The following AMN1 variants were observed in gnomAD, a reference collection of about 807,000 sequenced individuals.
The protein encoded by AMN1 is antagonist of mitotic exit network 1 homolog.
AMN1 carries 20 observed loss-of-function variants against 33.0 expected under a neutral mutation model. The ratio of observed to expected loss-of-function variants is 0.61; its 90% confidence interval spans 0.43 to 0.88. The LOEUF is 0.88. Among genes scored for constraint, AMN1 ranks in the 40% least tolerant of loss-of-function variants. The probability of loss-of-function intolerance (pLI) is 0.00; values close to 1 mark genes in which losing one functional copy is unlikely to be tolerated. For synonymous variants in AMN1, 114 were observed against 111.9 expected, an observed-to-expected ratio of 1.02 and a Z score of -0.12; for missense variants, 246 against 307.4, an observed-to-expected ratio of 0.80 and a Z score of 1.49.
In AMN1 at chr12:31,672,051, TGCTAGGA is replaced by T. The variant is rs1951284072; in HGVS notation, c.*246_*252del. On this transcript the variant is annotated 3_prime_UTR_variant, in exon 7 of 7. Coordinates refer to ENST00000281471, the MANE Select transcript of AMN1 (RefSeq NM_001113402.2). ...ATCCAACACCATAGATCAGAGTTCA[TGCTAGGA>T]TTATCATTTCAAAAATAATGACTCA... The T allele has an allele frequency of 2.7e-6, 1 of 377,146 alleles. No individual in the cohort carries two copies. The highest frequency in any genetic ancestry group is 4.8e-6 in the Non-Finnish European group (1 of 207,884). The allele number at this position is 377,146 out of a possible 1,614,324, so 23.4% of individuals were successfully genotyped here.
At chr12:31,710,105 T>C (rs539044210) in intron 1 of AMN1, among the ~76,000 whole-genome samples, 1 of 152,352 alleles carries the variant, frequency 6.6e-6, no homozygotes, top group East Asian at 1.9e-4. Context: ...GTTTTTACTA[T>C]TTTTCTTGAA....
At chr12:31,672,756 A>G (rs1170235109) in intron 6 of AMN1, 3 of 175,294 alleles carry the variant, frequency 1.7e-5, no homozygotes, top group Non-Finnish European at 3.6e-5. Context: ...GGGTGACTGA[A>G]CAGCATTTAA....
intron 3 of AMN1, among the ~76,000 whole-genome samples, chr12:31,701,150 C>A (rs1348825166): frequency 6.6e-6 from 1 of 152,118 alleles, no homozygotes; most frequent in Non-Finnish European, 1.5e-5. Flanking sequence ...CAGGCATGCA[C>A]CACCACGCCT....
At chr12:31,711,920 T>A (rs189043343) in intron 1 of AMN1, among the ~76,000 whole-genome samples, 10 of 152,156 alleles carry the variant, frequency 6.6e-5, no homozygotes, top group African/African-American at 2.2e-4. Context: ...TGATATCCAC[T>A]TTTTTTTAGT....
intron 6 of AMN1, 33 bp downstream of exon 6, chr12:31,688,974 A>G (rs1374147374): frequency 6.9e-7 from 1 of 1,451,078 alleles, no homozygotes. Flanking sequence ...AGATGAAGCC[A>G]GAATTTGAAC....
intron 1 of AMN1, among the ~76,000 whole-genome samples, chr12:31,718,023 G>T (rs1328461928): frequency 6.6e-6 from 1 of 152,074 alleles, no homozygotes; most frequent in Non-Finnish European, 1.5e-5. Flanking sequence ...TTCCAACGTG[G>T]TTCCATTCTC....
intron 1 of AMN1, among the ~76,000 whole-genome samples, chr12:31,712,826 T>G (rs1372976514): frequency 6.6e-6 from 1 of 152,004 alleles, no homozygotes; most frequent in Admixed American, 6.6e-5. Flanking sequence ...CAGCTAATTT[T>G]TTCTTTTTTA....
At chr12:31,672,928 T>A (rs1951312914) in intron 6 of AMN1, 2 of 153,108 alleles carry the variant, frequency 1.3e-5, no homozygotes, top group African/African-American at 4.8e-5. Flanking sequence ...TGTATAATAC[T>A]ACTATAAAGC....
At chr12:31,694,683 C>G (rs920431141) in intron 5 of AMN1, among the ~76,000 whole-genome samples, 6 of 152,086 alleles carry the variant, frequency 3.9e-5, no homozygotes, top group African/African-American at 1.4e-4. Flanking sequence ...GCAGTCAAGG[C>G]TGCTGTAAGC....
chr12:31,723,829 T>C (rs1036588446), intron 1 of AMN1, among the ~76,000 whole-genome samples: 1 of 152,170 alleles, frequency 6.6e-6, no homozygotes, highest in Non-Finnish European at 1.5e-5. Context: ...ACTCCTGCCC[T>C]AGATAACAAA....
intron 2 of AMN1, among the ~76,000 whole-genome samples, chr12:31,704,319 T>C (rs1939128471): frequency 6.6e-6 from 1 of 152,178 alleles, no homozygotes; most frequent in Non-Finnish European, 1.5e-5. Context: ...TATCCTTTGA[T>C]ATGTTATTGG....
intron 1 of AMN1, among the ~76,000 whole-genome samples, chr12:31,728,679 G>A (rs555254878): frequency 5.9e-5 from 9 of 152,346 alleles, no homozygotes; most frequent in Admixed American, 2.0e-4. Flanking sequence ...TAAGAGAGAG[G>A]CCACTGCCAG....
intron 1 of AMN1, among the ~76,000 whole-genome samples, chr12:31,716,646 G>C (rs1248534393): frequency 2.6e-5 from 4 of 152,084 alleles, no homozygotes; most frequent in Non-Finnish European, 5.9e-5. Context: ...CTCTTTTGTG[G>C]AGTATCTACT....
intron 5 of AMN1, among the ~76,000 whole-genome samples, chr12:31,691,499 A>G (rs1938498739): frequency 6.6e-6 from 1 of 152,142 alleles, no homozygotes; most frequent in African/African-American, 2.4e-5. Context: ...ATGGCTGTAT[A>G]ACAATTACCA....
Position 31,728,965 on chromosome 12 carries a change from A to G in AMN1, c.38+6T>C. ...CGCGAAGGGAGGCGGGACAGGGTAG[A>G]CTCACAGATCCAGGAGCTGACTGAC... On this transcript the variant is annotated splice_donor_region_variant and intron_variant, in intron 1 of 6. Coordinates refer to ENST00000281471, the MANE Select transcript of AMN1 (RefSeq NM_001113402.2). 2 of 1,545,574 alleles carry G rather than the reference A, an allele frequency of 1.3e-6. No individual in the cohort carries two copies. The highest frequency in any genetic ancestry group is 1.2e-5 in the South Asian group (1 of 83,818).
chr12:31,717,406 A>G (rs1223327238), intron 1 of AMN1, among the ~76,000 whole-genome samples: 1 of 152,254 alleles, frequency 6.6e-6, no homozygotes, highest in African/African-American at 2.4e-5. Context: ...TGCAATAAAC[A>G]TATGTGTGCA....
chr12:31,676,431 G>A (rs527976596), intron 6 of AMN1, among the ~76,000 whole-genome samples: 3 of 151,548 alleles, frequency 2.0e-5, no homozygotes, highest in South Asian at 2.1e-4. Flanking sequence ...GCAACATGGC[G>A]AAACCCCGTC....
chr12:31,728,294 A>G (rs1940163905), intron 1 of AMN1, among the ~76,000 whole-genome samples: 1 of 152,244 alleles, frequency 6.6e-6, no homozygotes, highest in East Asian at 1.9e-4. Context: ...AATTTCTGGT[A>G]GGAAATAATA....
intron 1 of AMN1, among the ~76,000 whole-genome samples, chr12:31,722,010 A>T (rs1454089517): frequency 6.6e-6 from 1 of 152,212 alleles, no homozygotes; most frequent in South Asian, 2.1e-4. Flanking sequence ...TGACGCTACC[A>T]TTGCATGCTG....
Sources: gnomAD v4.1 joint callset for allele counts (sites outside exome capture counted in the v4.1 genomes callset) on GRCh38, gnomAD v4.1.1 for gene constraint, MANE v1.5 for transcripts, NCBI Gene and HGNC (gene_info 2026-07-23, HGNC 2026-07-21) for gene names.